Variants in ADRA1B observed in about 807,000 individuals in gnomAD.
ADRA1B encodes the protein adrenoceptor alpha 1B, also known as alpha-1B adrenergic receptor.
ADRA1B carries 17 observed loss-of-function variants against 17.9 expected under a neutral mutation model. The ratio of observed to expected loss-of-function variants is 0.95; its 90% confidence interval spans 0.65 to 1.42. ADRA1B has a LOEUF of 1.42. Ranked by LOEUF, ADRA1B falls within the 40% of genes most tolerant of loss-of-function variation. The pLI is 0.00. For missense variants in ADRA1B, 681 were observed against 722.1 expected (o/e 0.94, Z 0.65); for synonymous variants, 366 against 327.6 (o/e 1.12, Z -1.27).
At chr5:159,940,581 A>G (rs1415252376) in intron 1 of ADRA1B, among the ~76,000 whole-genome samples, 3 of 152,202 alleles carry the variant, frequency 2.0e-5, no homozygotes, top group African/African-American at 7.2e-5. Context: ...AGCCCATTGC[A>G]GTAGTTCCTA....
chr5:159,881,299 T>TTCTCTCTCTCTCTCTCTCTCTC (rs11471058), intron 1 of ADRA1B, among the ~76,000 whole-genome samples: 1 of 131,982 alleles, frequency 7.6e-6, no homozygotes, highest in Admixed American at 7.4e-5. Context: ...TATCAGAAAG[T>TTCTCTCTCTCTCTCTCTCTCTC]TCTCTCTCTC....
chr5:159,905,723 T>A (rs1018538765), intron 1 of ADRA1B, among the ~76,000 whole-genome samples: 2 of 152,120 alleles, frequency 1.3e-5, no homozygotes, highest in Non-Finnish European at 2.9e-5. Flanking sequence ...ATTTTCTGGG[T>A]GTGGAAAACA....
intron 1 of ADRA1B, among the ~76,000 whole-genome samples, chr5:159,938,794 C>G (rs568278762): frequency 1.3e-5 from 2 of 152,176 alleles, no homozygotes; most frequent in Admixed American, 1.3e-4. Context: ...AGGTTATTTG[C>G]GGCCATTGGC....
At chr5:159,900,637 T>A (rs965155024) in intron 1 of ADRA1B, among the ~76,000 whole-genome samples, 2 of 152,244 alleles carry the variant, frequency 1.3e-5, no homozygotes, top group Non-Finnish European at 2.9e-5. Context: ...AAATAGCCCC[T>A]GAGGGAGAGA....
chr5:159,978,835 C>G, the ADRA1B span, among the ~76,000 whole-genome samples: 1 of 152,228 alleles, frequency 6.6e-6, no homozygotes, highest in African/African-American at 2.4e-5. Flanking sequence ...CAGAAGCATG[C>G]TATGTCCTCA....
At chr5:159,959,735 G>A (rs992889110) in intron 1 of ADRA1B, among the ~76,000 whole-genome samples, 1 of 151,160 alleles carries the variant, frequency 6.6e-6, no homozygotes, top group Non-Finnish European at 1.5e-5. Context: ...TATATGTGAA[G>A]ATATCATTAC....
At chr5:159,933,383 A>G (rs576680869) in intron 1 of ADRA1B, among the ~76,000 whole-genome samples, 1 of 152,308 alleles carries the variant, frequency 6.6e-6, no homozygotes, top group South Asian at 2.1e-4. Flanking sequence ...TCAGATGTAT[A>G]TTGTCAAATT....
At chr5:159,978,623 C>G in the ADRA1B span, among the ~76,000 whole-genome samples, 1 of 152,162 alleles carries the variant, frequency 6.6e-6, no homozygotes, top group Non-Finnish European at 1.5e-5. Flanking sequence ...TTTTGTTCTC[C>G]CCTCCTCGTT....
chr5:159,910,727 A>G lies in ADRA1B; in HGVS notation c.-255-5392A>G, dbSNP rs114518017. Among the ~76,000 whole-genome samples, 614 of 152,248 alleles carry G rather than the reference A, an allele frequency of 4.0e-3. 2 individuals carry two copies. The highest frequency in any genetic ancestry group is 6.7e-3 in the Non-Finnish European group (453 of 68,012). On this transcript the variant is annotated intron_variant, in intron 1 of 2. Transcript: ENST00000641205. The stretch of plus-strand genomic sequence containing the variant: ...GGCACTAGGCTGGATTTGATCGATT[A>G]ATTGTAGTTTGCAGACTCTGAACTA...
chr5:159,938,141 T>C (rs1755007295), intron 1 of ADRA1B, among the ~76,000 whole-genome samples: 1 of 152,206 alleles, frequency 6.6e-6, no homozygotes, highest in South Asian at 2.1e-4. Context: ...CCAGTGACTG[T>C]TGCACAGCAG....
intron 1 of ADRA1B, among the ~76,000 whole-genome samples, chr5:159,952,391 T>C (rs1223206859): frequency 6.6e-6 from 1 of 152,194 alleles, no homozygotes; most frequent in Non-Finnish European, 1.5e-5. Context: ...TCTCAAAACA[T>C]CTTATTGTAT....
Position 159,971,970 on chromosome 5 carries a change from C to CGGT in ADRA1B, c.1041_1042insGGT (p.Ile347_Tyr348insGly). On this transcript the variant is annotated inframe_insertion, in exon 2 of 2. Transcript: ENST00000306675. Reference sequence around the variant, plus strand: ...TCAACAGCTGCCTCAACCCCATCATCTACCCATGCTCCAGCAAGGAGTTCA... The same window carrying CGGT: ...TCAACAGCTGCCTCAACCCCATCATCGGTTACCCATGCTCCAGCAAGGAGTTCA... The CGGT allele has an allele frequency of 2.7e-6, 4 of 1,475,188 alleles. No homozygotes were observed. In the South Asian group the frequency reaches 6.0e-5, roughly 22 times the overall value. 91.4% of individuals were successfully genotyped at this position (1,475,188 alleles called of 1,614,324 possible). A position where few individuals can be genotyped will look rare whatever the true frequency, so the allele number is the denominator to read the frequency against.
intron 1 of ADRA1B, among the ~76,000 whole-genome samples, chr5:159,927,381 G>GCACACACACACACACA (rs59807316): frequency 0.065 from 9,078 of 140,500 alleles, 417 homozygotes; most frequent in East Asian, 0.15. Flanking sequence ...ATTAAAACAT[G>GCACACACACACACACA]CACACACACA....
intron 1 of ADRA1B, chr5:159,951,168 A>G: frequency 1.3e-6 from 1 of 753,412 alleles, no homozygotes; most frequent in Non-Finnish European, 2.4e-6. Flanking sequence ...CCTCCCTGCA[A>G]GTCAGCCCCA....
At chr5:159,957,929 CAAAAAAAA>C (rs35956137) in intron 1 of ADRA1B, among the ~76,000 whole-genome samples, 6 of 66,850 alleles carry the variant, frequency 9.0e-5, no homozygotes, top group East Asian at 3.6e-4. Flanking sequence ...AACCCCATCT[CAAAAAAAA>C]AAAAAAAAAA....
In ADRA1B at chr5:159,917,694, C is replaced by T; in HGVS notation, c.789C>T (p.Asp263=). Residue 263 remains aspartate, a synonymous_variant, in exon 1 of 2, where the codon GAC becomes GAT. Transcript: ENST00000306675. The stretch of plus-strand genomic sequence containing the variant: ...TCCATTCCAAGAACTTTCACGAGGA[C>T]ACCCTTAGCAGTACCAAGGCCAAGG... ...LRIHSKNFHE[D]TLSSTKAKGH... 2 of 1,614,080 alleles carry T rather than the reference C, an allele frequency of 1.2e-6. No individual in the cohort carries two copies. The highest frequency in any genetic ancestry group is 1.7e-6 in the Non-Finnish European group (2 of 1,180,018).
intron 1 of ADRA1B, among the ~76,000 whole-genome samples, chr5:159,867,437 T>G (rs887979140): frequency 2.6e-4 from 40 of 152,194 alleles, no homozygotes; most frequent in African/African-American, 9.2e-4. Flanking sequence ...TACAATGCAG[T>G]ACAACTGATT....
At position 159,947,743 on chromosome 5, in the gene ADRA1B, A is replaced by G. The variant is rs938316270; in HGVS notation, c.950-24136A>G. 3 of 985,330 alleles carry G rather than the reference A, an allele frequency of 3.0e-6. No homozygotes were observed. The African/African-American group carries it at 5.2e-5, about 17-fold the overall frequency. The allele number at this position is 985,330 out of a possible 1,614,324, so 61.0% of individuals were successfully genotyped here. ...GTTGAATGCTTGCTGTAAATCCAGGAAAGAAATGAATGAGCACAATTTAAA... is the reference window on the plus strand; with the variant it reads ...GTTGAATGCTTGCTGTAAATCCAGGGAAGAAATGAATGAGCACAATTTAAA... On this transcript the variant is annotated intron_variant, in intron 1 of 1. Coordinates refer to ENST00000306675, the MANE Select transcript of ADRA1B (RefSeq NM_000679.4).
intron 1 of ADRA1B, among the ~76,000 whole-genome samples, chr5:159,945,060 G>C (rs1367054903): frequency 6.6e-6 from 1 of 152,158 alleles, no homozygotes; most frequent in African/African-American, 2.4e-5. Context: ...TGAGGAAGCT[G>C]ATCGAAAAAG....
Sources: allele counts gnomAD v4.1 joint callset (sites outside exome capture counted in the v4.1 genomes callset), GRCh38; gene constraint gnomAD v4.1.1; transcripts MANE v1.5; gene names NCBI Gene and HGNC (gene_info 2026-07-23, HGNC 2026-07-21).